The following RARB variants were observed in gnomAD, a reference collection of about 807,000 sequenced individuals.
RARB encodes the protein HBV-activated protein.
RARB carries 17 observed loss-of-function variants against 51.9 expected under a neutral mutation model. The observed-to-expected ratio is 0.33, with a 90% confidence interval of 0.22 to 0.49. RARB has a LOEUF of 0.49. RARB is among the 20% of genes least tolerant of loss of function. The probability of loss-of-function intolerance (pLI) is 0.99; values close to 1 mark genes in which losing one functional copy is unlikely to be tolerated. For missense variants in RARB, 369 were observed against 550.8 expected, an observed-to-expected ratio of 0.67 and a Z score of 3.30; for synonymous variants, 215 against 195.4, an observed-to-expected ratio of 1.10 and a Z score of -0.84.
intron 5 of RARB, among the ~76,000 whole-genome samples, chr3:25,583,015 A>T (rs1701240638): frequency 6.6e-6 from 1 of 152,184 alleles, no homozygotes; most frequent in Admixed American, 6.5e-5. Flanking sequence ...TGTGGTGGGA[A>T]TCAGGAAACT....
In RARB at chr3:25,428,435, G is replaced by A; in HGVS notation, c.-297G>A. On this transcript the variant is annotated 5_prime_UTR_variant, in exon 1 of 8. Transcript: ENST00000330688. ...TCGGGGTAGGATCCGGAACGCATTCGGAAGGCTTTTTGCAAGCATTTACTT... is the reference window on the plus strand; with the variant it reads ...TCGGGGTAGGATCCGGAACGCATTCAGAAGGCTTTTTGCAAGCATTTACTT... 2 of 1,268,682 alleles carry A rather than the reference G, an allele frequency of 1.6e-6. No individual in the cohort carries two copies. Among genetic ancestry groups the A allele is most frequent in the Non-Finnish European group, 2.0e-6 (2 of 1,009,136 alleles). The allele number at this position is 1,268,682 out of a possible 1,614,324, so 78.6% of individuals were successfully genotyped here.
intron 5 of RARB, among the ~76,000 whole-genome samples, chr3:25,202,746 T>G (rs1472483459): frequency 2.0e-5 from 3 of 152,212 alleles, no homozygotes; most frequent in Non-Finnish European, 4.4e-5. Flanking sequence ...TGAGCAGTTT[T>G]GAGTGAGTTT....
chr3:24,927,708 C>A (rs1422017561), intron 2 of RARB, among the ~76,000 whole-genome samples: 1 of 152,040 alleles, frequency 6.6e-6, no homozygotes, highest in Admixed American at 6.6e-5. Flanking sequence ...TATATAGACT[C>A]ACTAGTCTAT....
chr3:24,880,600 G>A (rs1021362176), intron 2 of RARB, among the ~76,000 whole-genome samples: 2 of 152,100 alleles, frequency 1.3e-5, no homozygotes, highest in Non-Finnish European at 2.9e-5. Flanking sequence ...ACCCATGAGA[G>A]TTCCCTAAAA....
chr3:25,269,514 A>T (rs1466831953), intron 5 of RARB, among the ~76,000 whole-genome samples: 3 of 152,146 alleles, frequency 2.0e-5, no homozygotes, highest in Admixed American at 2.0e-4. Context: ...CGGCTGTTCA[A>T]TGTGGATACT....
chr3:24,954,931 A>G (rs753196813), intron 2 of RARB, among the ~76,000 whole-genome samples: 33 of 152,130 alleles, frequency 2.2e-4, no homozygotes, highest in Non-Finnish European at 4.3e-4. Context: ...GCCCGACGAC[A>G]GTATCTAGGG....
chr3:25,022,472 G>A (rs1360596192), intron 2 of RARB, among the ~76,000 whole-genome samples: 1 of 152,142 alleles, frequency 6.6e-6, no homozygotes, highest in Non-Finnish European at 1.5e-5. Context: ...AATGGGAGTA[G>A]TTTCTAATTT....
At chr3:25,181,965 T>G (rs1380148712) in intron 5 of RARB, among the ~76,000 whole-genome samples, 2 of 152,244 alleles carry the variant, frequency 1.3e-5, no homozygotes, top group Non-Finnish European at 2.9e-5. Context: ...CACTTCTTTA[T>G]GCCTGAGCAA....
intron 2 of RARB, among the ~76,000 whole-genome samples, chr3:24,910,223 AC>A (rs1694962764): frequency 6.6e-6 from 1 of 152,148 alleles, no homozygotes; most frequent in African/African-American, 2.4e-5. Context: ...AAGCCTAGAA[AC>A]TTAGGGAAAT....
intron 3 of RARB, among the ~76,000 whole-genome samples, chr3:25,064,484 C>CTT (rs1698617510): frequency 6.6e-6 from 1 of 152,046 alleles, no homozygotes; most frequent in South Asian, 2.1e-4. Flanking sequence ...AGAACTCCTG[C>CTT]TTAGTGCTCA....
chr3:25,559,735 TAGAC>T lies in RARB; in HGVS notation c.449-10013_449-10010del, dbSNP rs374702832. Among the ~76,000 whole-genome samples the T allele has an allele frequency of 2.6e-3, 391 of 152,212 alleles. 1 individual carries two copies. Among genetic ancestry groups the T allele is most frequent in the African/African-American group, 6.7e-3 (279 of 41,540 alleles). ...GGATTGATGAATGGACAGAGATAGATAGACAGACAGACAAGTAGATGGACAGATG... is the reference window on the plus strand; with the variant it reads ...GGATTGATGAATGGACAGAGATAGATAGACAGACAAGTAGATGGACAGATG... On this transcript the variant is annotated intron_variant, in intron 3 of 7. Coordinates refer to ENST00000330688, the MANE Select transcript of RARB (RefSeq NM_000965.5).
chr3:25,032,246 CTTAA>C (rs1396171010), intron 2 of RARB, among the ~76,000 whole-genome samples: 3 of 152,278 alleles, frequency 2.0e-5, no homozygotes, highest in East Asian at 1.9e-4. Flanking sequence ...TCTTATTTAT[CTTAA>C]TTAAGTCACG....
intron 3 of RARB, among the ~76,000 whole-genome samples, chr3:25,508,383 T>C (rs1697716096): frequency 6.6e-6 from 1 of 152,176 alleles, no homozygotes; most frequent in South Asian, 2.1e-4. Context: ...TTCTCTCATT[T>C]CCCCTTTACT....
At chr3:25,376,535 G>A (rs891180153) in intron 5 of RARB, among the ~76,000 whole-genome samples, 1 of 152,152 alleles carries the variant, frequency 6.6e-6, no homozygotes, top group African/African-American at 2.4e-5. Flanking sequence ...TGCCATTCCT[G>A]AGTAGTAGAT....
intron 1 of RARB, among the ~76,000 whole-genome samples, chr3:25,442,418 G>A (rs1407477952): frequency 6.6e-6 from 1 of 152,220 alleles, no homozygotes; most frequent in Admixed American, 6.5e-5. Flanking sequence ...ACAGGCGTGA[G>A]CCACCACACC....
At chr3:25,524,244 G>GA (rs200822642) in intron 3 of RARB, among the ~76,000 whole-genome samples, 12,162 of 152,200 alleles carry the variant, frequency 0.08, 631 homozygotes, top group African/African-American at 0.15. Flanking sequence ...ATGGACTCCA[G>GA]AAGACGTACA....
intron 5 of RARB, among the ~76,000 whole-genome samples, chr3:25,373,637 A>G (rs1706370332): frequency 6.6e-6 from 1 of 152,166 alleles, no homozygotes; most frequent in Non-Finnish European, 1.5e-5. Context: ...TAATTGCTTC[A>G]TAGTCTTAAG....
chr3:25,447,274 C>A (rs1708990413), intron 1 of RARB, among the ~76,000 whole-genome samples: 1 of 151,806 alleles, frequency 6.6e-6, no homozygotes, highest in South Asian at 2.1e-4. Flanking sequence ...ACTGGACACT[C>A]TTTTAGCCCT....
intron 5 of RARB, among the ~76,000 whole-genome samples, chr3:25,327,502 T>C (rs1035789124): frequency 1.3e-5 from 2 of 152,220 alleles, no homozygotes; most frequent in Admixed American, 1.3e-4. Context: ...AAAATGACTA[T>C]CGACCTAGAA....
Sources: allele counts gnomAD v4.1 joint callset (sites outside exome capture counted in the v4.1 genomes callset), GRCh38; gene constraint gnomAD v4.1.1; transcripts MANE v1.5; gene names NCBI Gene and HGNC (gene_info 2026-07-23, HGNC 2026-07-21).